Variants in ARL3 observed in about 807,000 individuals in gnomAD.
ARL3 encodes the protein ARF like GTPase 3.
In ARL3, 9 loss-of-function variants were observed where a neutral mutation model predicts 26.0. The ratio of observed to expected loss-of-function variants is 0.35; its 90% CI spans 0.21 to 0.60. The LOEUF (loss-of-function observed/expected upper bound fraction) is 0.60. Among genes scored for constraint, ARL3 ranks in the 20% least tolerant of loss-of-function variants. ARL3 has a pLI of 0.78. For missense variants in ARL3, 158 were observed against 215.7 expected (o/e 0.73, Z 1.67); for synonymous variants, 71 against 78.4 (o/e 0.91, Z 0.50).
chr10:102,682,293 T>C (rs982603306), intron 5 of ARL3, among the ~76,000 whole-genome samples: 1 of 130,600 alleles, frequency 7.7e-6, no homozygotes, highest in African/African-American at 2.5e-5. Flanking sequence ...CTCGTGCCCT[T>C]TACCTACTCT....
chr10:102,682,965 C>A (rs1028285374), intron 5 of ARL3, among the ~76,000 whole-genome samples: 3 of 152,156 alleles, frequency 2.0e-5, no homozygotes, highest in Non-Finnish European at 4.4e-5. Flanking sequence ...GCACAGTTTT[C>A]ACGTTTGAAA....
At chr10:102,685,316 A>G (rs981091369) in intron 5 of ARL3, among the ~76,000 whole-genome samples, 4 of 152,024 alleles carry the variant, frequency 2.6e-5, no homozygotes, top group African/African-American at 9.7e-5. Context: ...AGTACAAAGC[A>G]TGGGGCTTTC....
At chr10:102,687,001 A>G (rs2064190890) in intron 4 of ARL3, among the ~76,000 whole-genome samples, 1 of 147,234 alleles carries the variant, frequency 6.8e-6, no homozygotes, top group Admixed American at 6.9e-5. Flanking sequence ...CAGCCTCCCA[A>G]GTGGCTGGGA....
intron 3 of ARL3, among the ~76,000 whole-genome samples, chr10:102,697,256 C>T (rs750956695): frequency 9.9e-5 from 15 of 151,700 alleles, no homozygotes; most frequent in African/African-American, 2.2e-4. Context: ...CTTGGCTCAC[C>T]GCAATCTCCA....
chr10:102,683,657 C>T (rs769547831), intron 5 of ARL3, among the ~76,000 whole-genome samples: 3 of 152,100 alleles, frequency 2.0e-5, no homozygotes, highest in Non-Finnish European at 4.4e-5. Context: ...GTTTATTTTG[C>T]AGTGCTCCCC....
chr10:102,683,986 GTTAA>G (rs1429078910), intron 5 of ARL3, among the ~76,000 whole-genome samples: 1 of 152,136 alleles, frequency 6.6e-6, no homozygotes, highest in Admixed American at 6.6e-5. Context: ...GAGGCTTACT[GTTAA>G]TTCTCGCTTT....
rs184169052 is a variant in ARL3 at position 102,690,520 on chromosome 10, A to G, written c.265-577T>C. On this transcript the variant is annotated intron_variant, in intron 3 of 5. Transcript: ENST00000260746. ...AGGCTGGTCTCGAACTCCTGACCTC[A>G]AGTGATCCACCTGCCTCAGCCTCCT... Among the ~76,000 whole-genome samples the G allele has an allele frequency of 1.4e-4, 21 of 152,202 alleles. No homozygotes were observed. In the East Asian group the frequency reaches 3.7e-3, roughly 27 times the overall value.
At chr10:102,711,001 C>A (rs2064335979) in intron 1 of ARL3, among the ~76,000 whole-genome samples, 1 of 152,170 alleles carries the variant, frequency 6.6e-6, no homozygotes. Context: ...TGAGGACCAG[C>A]TAAAATTTGA....
Position 102,714,289 on chromosome 10 carries a change from C to CCCT in ARL3, c.-17_-15dup, listed in dbSNP as rs71019606. Reference sequence around the variant, plus strand: ...CACACTCACCATCCTCCCGCCGAGTCCCTCCTCCTCCTCCTCCTCCTGCTG... The same window carrying CCCT: ...CACACTCACCATCCTCCCGCCGAGTCCCTCCTCCTCCTCCTCCTCCTCCTGCTG... On this transcript the variant is annotated 5_prime_UTR_variant, in exon 1 of 6. Transcript: ENST00000260746. The CCCT allele has an allele frequency of 3.6e-4, 469 of 1,309,266 alleles. 4 individuals carry two copies. In the East Asian group the frequency reaches 3.7e-3, roughly 10 times the overall value. The allele number at this position is 1,309,266 out of a possible 1,614,324, so 81.1% of individuals were successfully genotyped here. A position where few individuals can be genotyped will look rare whatever the true frequency, so the allele number is the denominator to read the frequency against.
chr10:102,675,461 C>T lies in ARL3; in HGVS notation c.*1433G>A, dbSNP rs1231978092. ...CCCAGGATGAGAAGGCAGCTGGCCC[C>T]CAGGGACCCACCAGTCACTGGACAG... On this transcript the variant is annotated 3_prime_UTR_variant, in exon 6 of 6. Transcript: ENST00000260746. The T allele has an allele frequency of 6.6e-6, 1 of 152,282 alleles. No individual in the cohort carries two copies. The highest frequency in any genetic ancestry group is 1.5e-5 in the Non-Finnish European group (1 of 68,112). 9.4% of individuals were successfully genotyped at this position (152,282 alleles called of 1,614,324 possible).
intron 2 of ARL3, among the ~76,000 whole-genome samples, chr10:102,703,424 T>C (rs2064290918): frequency 1.4e-5 from 1 of 73,116 alleles, no homozygotes; most frequent in Non-Finnish European, 2.5e-5. Context: ...CCAGGACTTG[T>C]CTTTTTTTTT....
At chr10:102,691,431 T>C (rs1035094703) in intron 3 of ARL3, among the ~76,000 whole-genome samples, 1 of 152,126 alleles carries the variant, frequency 6.6e-6, no homozygotes, top group Admixed American at 6.6e-5. Flanking sequence ...ACAATCTCTT[T>C]CACAACTCTT....
At chr10:102,706,800 T>C (rs1016821424) in intron 1 of ARL3, among the ~76,000 whole-genome samples, 1 of 151,878 alleles carries the variant, frequency 6.6e-6, no homozygotes, top group Admixed American at 6.6e-5. Context: ...GCCTCCAGAG[T>C]AGCTGGTATT....
At chr10:102,679,027 A>C (rs1368211633) in intron 5 of ARL3, among the ~76,000 whole-genome samples, 1 of 152,212 alleles carries the variant, frequency 6.6e-6, no homozygotes, top group Non-Finnish European at 1.5e-5. Flanking sequence ...AAGCACAGGG[A>C]GCGTAAACAG....
chr10:102,698,333 CA>C (rs1210541239), intron 3 of ARL3, among the ~76,000 whole-genome samples: 1 of 152,036 alleles, frequency 6.6e-6, no homozygotes, highest in Non-Finnish European at 1.5e-5. Flanking sequence ...TCAGCCACCC[CA>C]AACTGCTGAG....
chr10:102,691,500 G>T (rs1029763325), intron 3 of ARL3, among the ~76,000 whole-genome samples: 1 of 152,038 alleles, frequency 6.6e-6, no homozygotes, highest in Non-Finnish European at 1.5e-5. Context: ...AATGTATGTG[G>T]CTATGTTCCA....
intron 5 of ARL3, among the ~76,000 whole-genome samples, chr10:102,684,969 C>G (rs374279289): frequency 6.8e-6 from 1 of 148,012 alleles, no homozygotes; most frequent in Admixed American, 6.7e-5. Context: ...CAGCCAGGGC[C>G]GGGCAGGGTG....
intron 5 of ARL3, among the ~76,000 whole-genome samples, chr10:102,677,175 G>A (rs926754842): frequency 3.3e-5 from 5 of 152,166 alleles, no homozygotes; most frequent in African/African-American, 4.8e-5. Context: ...GATGCCCAGC[G>A]CCTGAACTTG....
chr10:102,703,542 C>T (rs561313541), intron 2 of ARL3, among the ~76,000 whole-genome samples: 6 of 147,576 alleles, frequency 4.1e-5, no homozygotes, highest in Non-Finnish European at 8.9e-5. Context: ...CTCCTGGGTT[C>T]ACGCCATTCT....
Sources: allele counts gnomAD v4.1 joint callset (sites outside exome capture counted in the v4.1 genomes callset), GRCh38; gene constraint gnomAD v4.1.1; transcripts MANE v1.5; gene names NCBI Gene and HGNC (gene_info 2026-07-23, HGNC 2026-07-21).